The following PTPRD variants were observed in gnomAD, a reference collection of about 807,000 sequenced individuals.
The protein encoded by PTPRD is protein tyrosine phosphatase receptor type D.
In PTPRD, 34 loss-of-function variants were observed where a neutral mutation model predicts 214.5. That is an observed-to-expected ratio of 0.16 (90% CI 0.12 to 0.21). The LOEUF (loss-of-function observed/expected upper bound fraction) is 0.21. Among genes scored for constraint, PTPRD ranks in the 10% least tolerant of loss-of-function variants. The pLI, the probability that PTPRD is intolerant of heterozygous loss-of-function variation, is 1.00. For synonymous variants in PTPRD, 1,128 were observed against 845.7 expected (o/e 1.33, Z -5.79); for missense variants, 2,545 against 2,398.7 (o/e 1.06, Z -1.27).
chr9:9,999,952 C>T (rs568580022), intron 4 of PTPRD, among the ~76,000 whole-genome samples: 11 of 152,118 alleles, frequency 7.2e-5, no homozygotes, highest in African/African-American at 1.9e-4. Context: ...ATGTTTAGGA[C>T]AAGTCAGAAA....
intron 8 of PTPRD, among the ~76,000 whole-genome samples, chr9:9,551,009 G>GT (rs1281817420): frequency 6.6e-6 from 1 of 151,860 alleles, no homozygotes; most frequent in African/African-American, 2.4e-5. Flanking sequence ...AGTTCCTAGA[G>GT]TTATCTGAAA....
intron 3 of PTPRD, among the ~76,000 whole-genome samples, chr9:10,326,163 A>G (rs1349450309): frequency 6.6e-6 from 1 of 151,742 alleles, no homozygotes; most frequent in East Asian, 1.9e-4. Context: ...ACAATTTTCA[A>G]AAAAATTTTA....
intron 7 of PTPRD, among the ~76,000 whole-genome samples, chr9:9,617,609 G>T (rs2094956035): frequency 6.6e-6 from 1 of 151,962 alleles, no homozygotes; most frequent in Non-Finnish European, 1.5e-5. Context: ...AGGTAAATGT[G>T]CATGAAAAAA....
At chr9:9,709,195 T>C (rs1422108517) in intron 7 of PTPRD, among the ~76,000 whole-genome samples, 1 of 152,034 alleles carries the variant, frequency 6.6e-6, no homozygotes, top group Non-Finnish European at 1.5e-5. Context: ...CATGAATGCT[T>C]AGTATTTTCT....
chr9:10,151,112 G>A (rs987542526), intron 3 of PTPRD, among the ~76,000 whole-genome samples: 5 of 143,790 alleles, frequency 3.5e-5, no homozygotes, highest in African/African-American at 1.3e-4. Context: ...CCAGGCTGGA[G>A]TACAGTGGTG....
chr9:10,548,523 GAAA>G (rs1330736582), intron 2 of PTPRD, among the ~76,000 whole-genome samples: 1 of 152,184 alleles, frequency 6.6e-6, no homozygotes, highest in Non-Finnish European at 1.5e-5. Context: ...TGAAAGCCTG[GAAA>G]AGTGAAACAT....
intron 2 of PTPRD, among the ~76,000 whole-genome samples, chr9:10,577,915 CTTTT>C (rs148884393): frequency 5.2e-4 from 75 of 142,982 alleles, no homozygotes; most frequent in Middle Eastern, 3.8e-3. Flanking sequence ...AAGTTATTTC[CTTTT>C]TTTTTTTTTT....
chr9:8,353,646 C>G (rs2076108795), intron 39 of PTPRD, among the ~76,000 whole-genome samples: 1 of 151,784 alleles, frequency 6.6e-6, no homozygotes, highest in African/African-American at 2.4e-5. Context: ...GTTGGCCAGG[C>G]TGGTCTCGAA....
chr9:9,957,308 T>G (rs1469141265), intron 4 of PTPRD, among the ~76,000 whole-genome samples: 1 of 152,088 alleles, frequency 6.6e-6, no homozygotes. Context: ...TGTGAAACAT[T>G]AATGTACAAC....
chr9:9,370,781 G>A (rs558983827), intron 9 of PTPRD, among the ~76,000 whole-genome samples: 63 of 152,146 alleles, frequency 4.1e-4, no homozygotes, highest in African/African-American at 5.3e-4. Context: ...TTTGAGATAC[G>A]TCCCATCAAT....
chr9:10,609,943 G>T (rs1375465525), intron 2 of PTPRD, among the ~76,000 whole-genome samples: 2 of 152,044 alleles, frequency 1.3e-5, no homozygotes, highest in African/African-American at 4.8e-5. Context: ...GCAAATGCAG[G>T]TATACAGCAC....
At chr9:8,380,347 G>A (rs2084635304) in intron 37 of PTPRD, among the ~76,000 whole-genome samples, 1 of 151,966 alleles carries the variant, frequency 6.6e-6, no homozygotes, top group Non-Finnish European at 1.5e-5. Context: ...CATCTATGTG[G>A]GCCCCAATGT....
intron 8 of PTPRD, among the ~76,000 whole-genome samples, chr9:9,486,070 G>A (rs993282926): frequency 1.4e-5 from 2 of 138,644 alleles, no homozygotes; most frequent in South Asian, 4.7e-4. Flanking sequence ...AGAATAGCTT[G>A]AATCCAGGAG....
intron 2 of PTPRD, among the ~76,000 whole-genome samples, chr9:10,556,876 G>C (rs1021606401): frequency 1.3e-5 from 2 of 151,950 alleles, no homozygotes; most frequent in African/African-American, 4.8e-5. Flanking sequence ...ATACAATCAA[G>C]AGTGAAAAAA....
chr9:10,267,911 T>C (rs1008442419), intron 3 of PTPRD, among the ~76,000 whole-genome samples: 99 of 152,244 alleles, frequency 6.5e-4, no homozygotes, highest in African/African-American at 2.3e-3. Context: ...ACATATCTAA[T>C]GATCTTGTTT....
intron 2 of PTPRD, among the ~76,000 whole-genome samples, chr9:10,548,789 A>G (rs1215432033): frequency 2.6e-5 from 4 of 152,308 alleles, no homozygotes; most frequent in South Asian, 2.1e-4. Flanking sequence ...AGAACTGCCA[A>G]TGTCACAGAC....
At chr9:10,119,580 G>T (rs2098758407) in intron 3 of PTPRD, among the ~76,000 whole-genome samples, 2 of 151,934 alleles carry the variant, frequency 1.3e-5, no homozygotes, top group Non-Finnish European at 2.9e-5. Context: ...ACGTGTCAAA[G>T]ATTTTATTCA....
intron 14 of PTPRD, among the ~76,000 whole-genome samples, chr9:8,625,197 CTA>C (rs199616358): frequency 2.0e-5 from 3 of 150,948 alleles, no homozygotes; most frequent in South Asian, 2.1e-4. Context: ...TACAAACACA[CTA>C]TATATATATA....
intron 2 of PTPRD, among the ~76,000 whole-genome samples, chr9:10,503,561 T>C (rs944307613): frequency 6.6e-6 from 1 of 152,112 alleles, no homozygotes; most frequent in Non-Finnish European, 1.5e-5. Flanking sequence ...TTATTTTGGG[T>C]ACTTTATCTT....
Sources: allele counts gnomAD v4.1 joint callset (sites outside exome capture counted in the v4.1 genomes callset), GRCh38; gene constraint gnomAD v4.1.1; transcripts MANE v1.5; gene names NCBI Gene and HGNC (gene_info 2026-07-23, HGNC 2026-07-21).